The following LRP1B variants were observed in gnomAD, a reference collection of about 807,000 sequenced individuals.
The protein encoded by LRP1B is LDL receptor related protein 1B, also known as low-density lipoprotein receptor-related protein 1B.
In LRP1B, 217 loss-of-function variants were observed where a neutral mutation model predicts 556.6. That is an observed-to-expected ratio of 0.39 (90% CI 0.35 to 0.44). The LOEUF (loss-of-function observed/expected upper bound fraction) is 0.44, where lower values mean the gene tolerates loss of function less well. Among genes scored for constraint, LRP1B ranks in the 20% least tolerant of loss-of-function variants. The pLI is 1.00. For synonymous variants in LRP1B, 2,047 were observed against 1,865.8 expected (o/e 1.10, Z -2.50); for missense variants, 5,053 against 5,620.8 (o/e 0.90, Z 3.23).
At chr2:140,358,670 A>C in intron 73 of LRP1B, 151 bp downstream of exon 73, 1 of 754,564 alleles carries the variant, frequency 1.3e-6, no homozygotes, top group African/African-American at 1.8e-5. Context: ...ATGCTGGTGG[A>C]ATATTTTTAT....
intron 3 of LRP1B, among the ~76,000 whole-genome samples, chr2:141,401,153 A>C (rs1446267664): frequency 6.6e-6 from 1 of 152,192 alleles, no homozygotes; most frequent in Non-Finnish European, 1.5e-5. Flanking sequence ...TGACATTAAA[A>C]TACTGATTTA....
intron 18 of LRP1B, among the ~76,000 whole-genome samples, chr2:140,963,268 AAC>A (rs998743849): frequency 6.6e-6 from 1 of 151,054 alleles, no homozygotes; most frequent in Non-Finnish European, 1.5e-5. Context: ...TGAAAAAAAA[AAC>A]ATATATTCCC....
intron 41 of LRP1B, among the ~76,000 whole-genome samples, chr2:140,654,056 G>C (rs1031620644): frequency 7.5e-5 from 11 of 146,830 alleles, no homozygotes; most frequent in African/African-American, 2.5e-4. Context: ...AAAAAAGAGA[G>C]AGAGTTTAAC....
chr2:140,329,087 G>C (rs973033806), intron 79 of LRP1B, among the ~76,000 whole-genome samples: 1 of 152,042 alleles, frequency 6.6e-6, no homozygotes, highest in South Asian at 2.1e-4. Context: ...TCAAACTCAT[G>C]TAATACTACA....
chr2:141,285,789 G>A (rs1351112366), intron 3 of LRP1B, among the ~76,000 whole-genome samples: 12 of 146,286 alleles, frequency 8.2e-5, no homozygotes, highest in East Asian at 2.1e-4. Flanking sequence ...TGTTCAGGCC[G>A]GGCGCGGTGG....
chr2:141,182,941 C>T (rs1681069055), intron 7 of LRP1B, among the ~76,000 whole-genome samples: 1 of 151,898 alleles, frequency 6.6e-6, no homozygotes, highest in Admixed American at 6.6e-5. Flanking sequence ...TCATGAATCA[C>T]AGATGAGGAC....
intron 10 of LRP1B, among the ~76,000 whole-genome samples, chr2:141,054,580 T>A (rs1309747994): frequency 2.1e-5 from 3 of 140,830 alleles, no homozygotes; most frequent in Non-Finnish European, 4.8e-5. Context: ...TTTGATAAAA[T>A]CGTTAAAACT....
At chr2:140,925,142 TTCATA>T (rs1694850516) in intron 20 of LRP1B, among the ~76,000 whole-genome samples, 1 of 152,138 alleles carries the variant, frequency 6.6e-6, no homozygotes, top group Admixed American at 6.6e-5. Context: ...ACTACATCAT[TTCATA>T]TAAGAAACTT....
At chr2:140,578,111 T>C (rs1414957540) in intron 43 of LRP1B, among the ~76,000 whole-genome samples, 1 of 152,222 alleles carries the variant, frequency 6.6e-6, no homozygotes, top group African/African-American at 2.4e-5. Context: ...AAATTACCAA[T>C]GAGCATAATA....
At chr2:141,103,513 G>C (rs974172344) in intron 7 of LRP1B, among the ~76,000 whole-genome samples, 5 of 81,456 alleles carry the variant, frequency 6.1e-5, no homozygotes, top group African/African-American at 2.1e-4. Context: ...CTGGGCCATA[G>C]CACACACATT....
At chr2:140,777,855 T>C (rs960256909) in intron 32 of LRP1B, among the ~76,000 whole-genome samples, 4 of 151,952 alleles carry the variant, frequency 2.6e-5, no homozygotes, top group Admixed American at 2.0e-4. Flanking sequence ...TCAGAAAATA[T>C]GGTAGAGGCA....
At chr2:141,413,201 G>A (rs960553143) in intron 3 of LRP1B, among the ~76,000 whole-genome samples, 8 of 152,130 alleles carry the variant, frequency 5.3e-5, no homozygotes, top group African/African-American at 1.7e-4. Flanking sequence ...CACTCCATCT[G>A]GGCAACAGAG....
intron 71 of LRP1B, among the ~76,000 whole-genome samples, chr2:140,367,652 A>T (rs1257069586): frequency 6.6e-6 from 1 of 151,842 alleles, no homozygotes; most frequent in Admixed American, 6.6e-5. Flanking sequence ...TGCAGTATGC[A>T]GTCCTTAGTA....
At chr2:141,905,673 ATACT>A (rs1487851050) in intron 1 of LRP1B, among the ~76,000 whole-genome samples, 2 of 151,742 alleles carry the variant, frequency 1.3e-5, no homozygotes, top group South Asian at 2.1e-4. Flanking sequence ...CAGCATGGTA[ATACT>A]TAAGTAGAAT....
intron 35 of LRP1B, among the ~76,000 whole-genome samples, chr2:140,748,591 GTATATATATA>G (rs70988428): frequency 0.018 from 1,288 of 73,270 alleles, 37 homozygotes; most frequent in African/African-American, 0.052. Context: ...TATACAGTGT[GTATATATATA>G]TATATATATA....
In LRP1B at chr2:140,933,794, T is replaced by A. The variant is rs980536499; in HGVS notation, c.3137-10647A>T. On this transcript the variant is annotated intron_variant, in intron 20 of 90. Transcript: ENST00000389484. ...AACCATGTTCTAATATTTTATTTTT[T>A]AAATTACAGTTACTGGTTTTAATTT... Among the ~76,000 whole-genome samples, 6 of 152,226 alleles carry A rather than the reference T, an allele frequency of 3.9e-5. 1 individual carries two copies. The highest frequency in any genetic ancestry group is 1.4e-4 in the African/African-American group (6 of 41,568).
chr2:141,508,981 G>A (rs1053772207), intron 2 of LRP1B, among the ~76,000 whole-genome samples: 1 of 152,080 alleles, frequency 6.6e-6, no homozygotes, highest in Non-Finnish European at 1.5e-5. Context: ...GAGACACAGA[G>A]CATATTTACT....
chr2:142,038,010 G>A (rs1703945417), intron 1 of LRP1B, among the ~76,000 whole-genome samples: 3 of 151,362 alleles, frequency 2.0e-5, no homozygotes. Context: ...TTATGTTTAA[G>A]GGATATTCAT....
intron 1 of LRP1B, among the ~76,000 whole-genome samples, chr2:141,945,225 T>C (rs549919617): frequency 6.6e-6 from 1 of 152,262 alleles, no homozygotes; most frequent in African/African-American, 2.4e-5. Context: ...TTCATAATTT[T>C]CTATCATTGC....
Sources: allele counts gnomAD v4.1 joint callset (sites outside exome capture counted in the v4.1 genomes callset), GRCh38; gene constraint gnomAD v4.1.1; transcripts MANE v1.5; gene names NCBI Gene and HGNC (gene_info 2026-07-23, HGNC 2026-07-21).